Variants in PHF23 observed in about 807,000 individuals in gnomAD.
The protein encoded by PHF23 is PHD finger protein 23, also known as PDH-containing protein JUNE-1.
In PHF23, 3 loss-of-function variants were observed where a neutral mutation model predicts 36.0. The observed-to-expected ratio is 0.08, with a 90% confidence interval of 0.04 to 0.22. The LOEUF is 0.22. Among genes scored for constraint, PHF23 ranks in the 10% least tolerant of loss-of-function variants. The probability of loss-of-function intolerance (pLI) is 1.00; values close to 1 mark genes in which losing one functional copy is unlikely to be tolerated. For missense variants in PHF23, 475 were observed against 513.6 expected, an observed-to-expected ratio of 0.92 and a Z score of 0.73; for synonymous variants, 242 against 192.5, an observed-to-expected ratio of 1.26 and a Z score of -2.13.
At position 7,237,355 on chromosome 17, in the gene PHF23, G is replaced by A. The variant is rs764304902; in HGVS notation, c.159+30C>T. ...GTCACTCTATAGTCCCACCACACCA[G>A]CCTCAAGTCAGTAATTCTCTTGCCC... is the stretch of plus-strand genomic sequence containing the variant. On this transcript the variant is annotated intron_variant, in intron 3 of 4. Transcript: ENST00000320316. 11 of 1,560,316 alleles carry A rather than the reference G, an allele frequency of 7.0e-6. No homozygotes were observed. In the African/African-American group the frequency reaches 1.4e-4, roughly 19 times the overall value.
At chr17:7,239,193 A>G in intron 1 of PHF23, 53 bp downstream of exon 1, 1 of 1,299,492 alleles carries the variant, frequency 7.7e-7, no homozygotes, top group South Asian at 1.3e-5. Context: ...TTGCCAATTG[A>G]TTCCTCGCCC....
intron 1 of PHF23, chr17:7,237,886 C>A: frequency 1.7e-6 from 1 of 574,158 alleles, no homozygotes; most frequent in South Asian, 2.1e-5. Context: ...CTCCCCTTCC[C>A]CCAACCGGAG....
chr17:7,238,200 C>G (rs1251500795), intron 1 of PHF23: 2 of 159,296 alleles, frequency 1.3e-5, no homozygotes, highest in African/African-American at 4.9e-5. Flanking sequence ...CACCCCCACC[C>G]CAGACACACA....
In PHF23 at chr17:7,235,041, G is replaced by A. The variant is rs570794859; in HGVS notation, c.*585C>T. The stretch of plus-strand genomic sequence containing the variant: ...GACAGTGAGGGCTATAAACACAAAA[G>A]AGCCCACTCTGCTTTATTTACAACA... On this transcript the variant is annotated 3_prime_UTR_variant, in exon 5 of 5. Transcript: ENST00000320316. 1 of 163,114 alleles carries A rather than the reference G, an allele frequency of 6.1e-6. No individual in the cohort carries two copies. The highest frequency in any genetic ancestry group is 5.7e-5 in the Admixed American group (1 of 17,558). 10.1% of individuals were successfully genotyped at this position (163,114 alleles called of 1,614,324 possible).
At chr17:7,239,468 G>T, upstream of PHF23, 1 of 402,852 alleles carries the variant, frequency 2.5e-6, no homozygotes, top group Non-Finnish European at 4.5e-6. Context: ...CCCGGACCGG[G>T]CCCCCTCCCC....
Position 7,239,334 on chromosome 17 carries a change from G to C in PHF23, c.-55C>G. 1 of 903,670 alleles carries C rather than the reference G, an allele frequency of 1.1e-6. No individual in the cohort carries two copies. The highest frequency in any genetic ancestry group is 1.8e-6 in the Non-Finnish European group (1 of 567,250). 56.0% of individuals were successfully genotyped at this position (903,670 alleles called of 1,614,324 possible). The stretch of plus-strand genomic sequence containing the variant: ...CCCCCTCCCCGGAGCCGGGGATCCC[G>C]GTGCCGCCTCTAGTGCTCGATGCTC... On this transcript the variant is annotated 5_prime_UTR_variant, in exon 1 of 5. Coordinates refer to ENST00000320316, the MANE Select transcript of PHF23 (RefSeq NM_024297.3).
chr17:7,237,493 T>C lies in PHF23; in HGVS notation c.67-16A>G, dbSNP rs1197734909. Reference sequence around the variant, plus strand: ...TCTCTGGTGGCTGAAAGGAAGGAGATATGGATCACATGCAAAGCCACACAG... The same window carrying C: ...TCTCTGGTGGCTGAAAGGAAGGAGACATGGATCACATGCAAAGCCACACAG... On this transcript the variant is annotated splice_polypyrimidine_tract_variant and intron_variant, in intron 2 of 4. Transcript: ENST00000320316. 1.2e-6 allele frequency: 2 copies of C among 1,611,932 alleles called. No homozygotes were observed. The highest frequency in any genetic ancestry group is 1.1e-5 in the South Asian group (1 of 91,040).
chr17:7,237,611 A>C lies in PHF23; in HGVS notation c.66+18T>G. Reference sequence around the variant, plus strand: ...GTCAGGCAGGGCTACTAGGCTGCAAAGGTAAGGCAAACCTCACCTGAGTCT... The same window carrying C: ...GTCAGGCAGGGCTACTAGGCTGCAACGGTAAGGCAAACCTCACCTGAGTCT... On this transcript the variant is annotated intron_variant, in intron 2 of 4. Coordinates refer to ENST00000320316, the MANE Select transcript of PHF23 (RefSeq NM_024297.3). The C allele has an allele frequency of 6.2e-7, 1 of 1,614,058 alleles. No individual in the cohort carries two copies. Among genetic ancestry groups the C allele is most frequent in the Non-Finnish European group, 8.5e-7 (1 of 1,179,956 alleles).
At position 7,236,144 on chromosome 17, in the gene PHF23, C is replaced by CTCT. The variant is rs759574171; in HGVS notation, c.780_782dup (p.Glu261dup). 7.5e-6 allele frequency: 12 copies of CTCT among 1,610,288 alleles called. No individual in the cohort carries two copies. Among genetic ancestry groups the CTCT allele is most frequent in the South Asian group, 4.4e-5 (4 of 90,408 alleles). ...CTTCACCCCCTACCACTGTTGCCAT[C>CTCT]TCTTCTTCTTCTTCCTCTTCCTCCT... On this transcript the variant is annotated inframe_insertion, in exon 4 of 5. Coordinates refer to ENST00000320316, the MANE Select transcript of PHF23 (RefSeq NM_024297.3). The surrounding 1 kb of genome is among the most constrained non-coding windows in gnomAD (Gnocchi z 5.1).
chr17:7,238,859 A>C, intron 1 of PHF23: 1 of 1,529,988 alleles, frequency 6.5e-7, no homozygotes, highest in Non-Finnish European at 8.7e-7. Context: ...AAACTACCCC[A>C]CCTCGGCGAA....
At chr17:7,237,589 A>G in intron 2 of PHF23, 40 bp downstream of exon 2, 6 of 1,613,276 alleles carry the variant, frequency 3.7e-6, no homozygotes, top group Non-Finnish European at 5.1e-6. Flanking sequence ...GGGCGTTGTC[A>G]GGCAGGGCTA....
intron 3 of PHF23, 103 bp downstream of exon 3, chr17:7,237,282 T>G: frequency 9.5e-7 from 1 of 1,055,488 alleles, no homozygotes; most frequent in African/African-American, 1.6e-5. Flanking sequence ...TACATATAAT[T>G]TCTAAGGGCC....
intron 1 of PHF23, chr17:7,238,968 G>A: frequency 3.4e-6 from 5 of 1,479,634 alleles, no homozygotes; most frequent in Non-Finnish European, 4.5e-6. Context: ...GCCCCAATCT[G>A]CCGGTGGCCC....
chr17:7,236,118 G>A lies in PHF23; in HGVS notation c.809C>T (p.Ala270Val), dbSNP rs768051238. 1 of 1,611,734 alleles carries A rather than the reference G, an allele frequency of 6.2e-7. No homozygotes were observed. The highest frequency in any genetic ancestry group is 2.2e-5 in the East Asian group (1 of 44,874). Residue 270 changes from alanine to valine, a missense_variant, in exon 4 of 5, where the codon GCC becomes GTC. By Grantham distance (64) the Ala-to-Val change is moderately conservative. This residue lies in a region of PHF23 where 350 missense variants were observed against 319.8 expected (regional missense o/e 1.09). Coordinates refer to ENST00000320316, the MANE Select transcript of PHF23 (RefSeq NM_024297.3). This position sits in a 1 kb window ranked among gnomAD's most constrained non-coding sequence, Gnocchi z 5.1. ...GGGTGTTGGCAGCACAGGGACTGGG[G>A]CTTCACCCCCTACCACTGTTGCCAT... is the stretch of plus-strand genomic sequence containing the variant. ...EEMATVVGGE[A>V]PVPVLPTPPE...
intron 1 of PHF23, chr17:7,238,656 C>G: frequency 1.2e-6 from 1 of 817,968 alleles, no homozygotes; most frequent in Non-Finnish European, 1.4e-6. Context: ...CACCCCGCCC[C>G]ACCACCCCCT....
Position 7,235,956 on chromosome 17 carries a change from A to G in PHF23, c.971T>C (p.Met324Thr). The change falls in exon 4 of 5, where the codon ATG becomes ACG. Residue 324 changes from methionine to threonine, a missense_variant. Physicochemically the swap from Met to Thr is moderately conservative, Grantham distance 81. This residue lies in a region of PHF23 where 40 missense variants were observed against 111.0 expected (regional missense o/e 0.36). Coordinates refer to ENST00000320316, the MANE Select transcript of PHF23 (RefSeq NM_024297.3). ...TGATTCTACCATGATGTCCTCGTCCATGACCCGCATCTCGCCTTCACTGGA... is the reference window on the plus strand; with the variant it reads ...TGATTCTACCATGATGTCCTCGTCCGTGACCCGCATCTCGCCTTCACTGGA... ...ASSSEGEMRV[M>T]DEDIMVESGD... is the part of the protein sequence containing the mutation. 1 of 1,612,304 alleles carries G rather than the reference A, an allele frequency of 6.2e-7. No individual in the cohort carries two copies. The highest frequency in any genetic ancestry group is 8.5e-7 in the Non-Finnish European group (1 of 1,178,712).
chr17:7,237,969 C>T (rs1323947087), intron 1 of PHF23: 3 of 337,310 alleles, frequency 8.9e-6, no homozygotes, highest in African/African-American at 2.2e-5. Context: ...GCGCCCCACC[C>T]CACCGTACCG....
chr17:7,239,163 C>A, intron 1 of PHF23, 83 bp downstream of exon 1: 1 of 1,097,764 alleles, frequency 9.1e-7, no homozygotes, highest in South Asian at 1.4e-5. Flanking sequence ...CCGCTGGGCT[C>A]CGGGGCTCGA....
chr17:7,235,782 G>C lies in PHF23; in HGVS notation c.1056C>G (p.Pro352=). 1 of 1,614,154 alleles carries C rather than the reference G, an allele frequency of 6.2e-7. No homozygotes were observed. The change falls in exon 5 of 5, where the codon CCC becomes CCG. Residue 352 remains proline (P), a synonymous_variant. Transcript: ENST00000320316. ...TCCCACACAGGCTGCACTCAATCATGGGCCGCCCTGCAAAGGGCTTTCGAC... is the reference window on the plus strand; with the variant it reads ...TCCCACACAGGCTGCACTCAATCATCGGCCGCCCTGCAAAGGGCTTTCGAC... ...CYCRKPFAGR[P]MIECSLCGTW... is the part of the protein sequence containing the mutation.
Sources: allele counts gnomAD v4.1 joint callset, GRCh38; gene constraint gnomAD v4.1.1; regional missense constraint gnomAD v4.1.1; non-coding constraint Gnocchi (gnomAD v3.1); transcripts MANE v1.5; gene names NCBI Gene and HGNC (gene_info 2026-07-23, HGNC 2026-07-21).